Variants in SDCCAG8 observed in about 807,000 individuals in gnomAD.
The protein encoded by SDCCAG8 is serologically defined colon cancer antigen 8.
In SDCCAG8, 74 loss-of-function variants were observed where a neutral mutation model predicts 101.8. That is an observed-to-expected ratio of 0.73 (90% CI 0.60 to 0.88). The LOEUF is 0.88. Among genes scored for constraint, SDCCAG8 ranks in the 40% least tolerant of loss-of-function variants. SDCCAG8 has a pLI of 0.00. For synonymous variants in SDCCAG8, 281 were observed against 292.9 expected (o/e 0.96, Z 0.41); for missense variants, 787 against 822.6 (o/e 0.96, Z 0.53).
At chr1:243,366,227 T>G (rs1160465098) in intron 12 of SDCCAG8, among the ~76,000 whole-genome samples, 1 of 152,030 alleles carries the variant, frequency 6.6e-6, no homozygotes, top group Non-Finnish European at 1.5e-5. Flanking sequence ...TATTTTATTT[T>G]TATAGATAGT....
chr1:243,332,842 CGGTCTGGAGGTGGTTATCGTAGTCCA>C (rs2074724196), intron 10 of SDCCAG8, among the ~76,000 whole-genome samples: 4 of 145,794 alleles, frequency 2.7e-5, no homozygotes, highest in African/African-American at 5.1e-5. Context: ...ATCGTGGTCC[CGGTCTGGAGGTGGTTATCGTAGTCCA>C]GGTCTGGAGG....
intron 16 of SDCCAG8, among the ~76,000 whole-genome samples, chr1:243,466,867 A>G (rs1355738210): frequency 2.6e-5 from 4 of 152,248 alleles, no homozygotes; most frequent in Admixed American, 2.0e-4. Context: ...ACCCGGGACT[A>G]TTGCAGCCTA....
At chr1:243,403,899 G>A (rs2079574080) in intron 13 of SDCCAG8, among the ~76,000 whole-genome samples, 1 of 152,146 alleles carries the variant, frequency 6.6e-6, no homozygotes, top group Admixed American at 6.5e-5. Flanking sequence ...GAATGCAGTC[G>A]AATCATCCCC....
At chr1:243,411,202 C>T (rs931400341) in intron 13 of SDCCAG8, among the ~76,000 whole-genome samples, 4 of 152,130 alleles carry the variant, frequency 2.6e-5, no homozygotes, top group African/African-American at 9.7e-5. Flanking sequence ...TAGCCTCAAC[C>T]TCCCTGGGCT....
At chr1:243,286,111 A>G (rs758069461) in intron 4 of SDCCAG8, among the ~76,000 whole-genome samples, 161 bp from the exon 5 acceptor site, 2 of 152,224 alleles carry the variant, frequency 1.3e-5, no homozygotes, top group African/African-American at 2.4e-5. Context: ...TTTGTTATCT[A>G]GCTAATGTTA....
intron 8 of SDCCAG8, among the ~76,000 whole-genome samples, chr1:243,308,496 A>T (rs949592127): frequency 1.3e-5 from 2 of 152,224 alleles, no homozygotes; most frequent in African/African-American, 4.8e-5. Context: ...TGAATCTATG[A>T]TTACAAATCT....
chr1:243,268,051 C>T, intron 1 of SDCCAG8: 3 of 768,158 alleles, frequency 3.9e-6, no homozygotes, highest in Non-Finnish European at 7.3e-6. Context: ...TTTCTTTAAG[C>T]CTCTGATCTC....
At chr1:243,376,320 A>G (rs2077594144) in intron 12 of SDCCAG8, among the ~76,000 whole-genome samples, 1 of 152,202 alleles carries the variant, frequency 6.6e-6, no homozygotes, top group Non-Finnish European at 1.5e-5. Context: ...CTCCGATTTT[A>G]GGAGGAAGAA....
At chr1:243,314,196 A>G (rs2073029760) in intron 8 of SDCCAG8, among the ~76,000 whole-genome samples, 1 of 152,350 alleles carries the variant, frequency 6.6e-6, no homozygotes, top group African/African-American at 2.4e-5. Context: ...ACCTTGAAGC[A>G]TGCGTTGCAT....
chr1:243,375,557 C>T (rs146110295), intron 12 of SDCCAG8, among the ~76,000 whole-genome samples: 4 of 152,224 alleles, frequency 2.6e-5, no homozygotes, highest in Non-Finnish European at 4.4e-5. Context: ...TTGAGTTGTT[C>T]TGGTGGTTAT....
intron 5 of SDCCAG8, among the ~76,000 whole-genome samples, chr1:243,288,105 T>C (rs1366640398): frequency 6.6e-6 from 1 of 152,198 alleles, no homozygotes; most frequent in Non-Finnish European, 1.5e-5. Flanking sequence ...TCTATTTTAA[T>C]GTTAATCTTC....
chr1:243,393,763 A>AT (rs537246350), intron 13 of SDCCAG8, among the ~76,000 whole-genome samples: 1 of 152,076 alleles, frequency 6.6e-6, no homozygotes, highest in Non-Finnish European at 1.5e-5. Context: ...ATTAGAAAAG[A>AT]TTTTTTTTAT....
intron 6 of SDCCAG8, among the ~76,000 whole-genome samples, chr1:243,294,501 A>AAGAGGG (rs2070627731): frequency 5.2e-4 from 14 of 26,704 alleles, no homozygotes; most frequent in African/African-American, 1.7e-3. Context: ...GAGAGAGAGA[A>AAGAGGG]AGAGCGAGAG....
intron 17 of SDCCAG8, among the ~76,000 whole-genome samples, chr1:243,499,083 G>A (rs2148327859): frequency 6.6e-6 from 1 of 152,240 alleles, no homozygotes; most frequent in African/African-American, 2.4e-5. Context: ...ACTAATTTGG[G>A]CAGCCATGGC....
intron 13 of SDCCAG8, among the ~76,000 whole-genome samples, chr1:243,413,483 GATGTGA>G: frequency 6.6e-6 from 1 of 152,188 alleles, no homozygotes; most frequent in South Asian, 2.1e-4. Flanking sequence ...TGGGATTACA[GATGTGA>G]GCCACCGTGC....
At chr1:243,341,314 G>C (rs2075370316) in intron 11 of SDCCAG8, 141 bp downstream of exon 11, 1 of 820,200 alleles carries the variant, frequency 1.2e-6, no homozygotes, top group Non-Finnish European at 1.9e-6. Context: ...ATAATAAAAG[G>C]CCACCTAATG....
chr1:243,296,497 A>G (rs573684153), intron 6 of SDCCAG8, among the ~76,000 whole-genome samples: 1 of 140,810 alleles, frequency 7.1e-6, no homozygotes, highest in South Asian at 2.2e-4. Flanking sequence ...AGTATGCTTC[A>G]GTTGAGCTTC....
intron 16 of SDCCAG8, among the ~76,000 whole-genome samples, chr1:243,485,632 G>A (rs1449428407): frequency 2.0e-5 from 3 of 152,316 alleles, no homozygotes; most frequent in South Asian, 2.1e-4. Flanking sequence ...TCAGCCAGGC[G>A]CGGTGGCTCA....
chr1:243,297,444 G>T (rs2071043170), intron 6 of SDCCAG8, among the ~76,000 whole-genome samples: 1 of 152,170 alleles, frequency 6.6e-6, no homozygotes, highest in Non-Finnish European at 1.5e-5. Context: ...GTATGTTGGA[G>T]TGGAATTCTT....
Sources: allele counts gnomAD v4.1 joint callset (sites outside exome capture counted in the v4.1 genomes callset), GRCh38; gene constraint gnomAD v4.1.1; transcripts MANE v1.5; gene names NCBI Gene and HGNC (gene_info 2026-07-23, HGNC 2026-07-21).